Variants in PLSCR1 observed in about 807,000 individuals in gnomAD.
The protein encoded by PLSCR1 is PL scramblase 1.
Under a neutral mutation model 37.8 loss-of-function variants are expected in PLSCR1, and 17 were observed. That is an observed-to-expected ratio of 0.45 (90% confidence interval 0.31 to 0.68). The LOEUF (loss-of-function observed/expected upper bound fraction) is 0.68, where lower values mean the gene tolerates loss of function less well. Among genes scored for constraint, PLSCR1 ranks in the 30% least tolerant of loss-of-function variants. The pLI is 0.06. For missense variants in PLSCR1, 347 were observed against 380.9 expected (o/e 0.91, Z 0.74); for synonymous variants, 116 against 125.9 (o/e 0.92, Z 0.53).
At chr3:146,533,412 C>T (rs2044225068) in intron 3 of PLSCR1, 58 bp downstream of exon 3, 1 of 804,440 alleles carries the variant, frequency 1.2e-6, no homozygotes, top group Admixed American at 1.9e-5. Flanking sequence ...CCCACTCTCA[C>T]TCTCTCTCTC....
chr3:146,542,658 G>A (rs1434527949), intron 1 of PLSCR1, among the ~76,000 whole-genome samples: 1 of 152,162 alleles, frequency 6.6e-6, no homozygotes, highest in African/African-American at 2.4e-5. Flanking sequence ...ATGGAAAATT[G>A]AAGAGTGCAA....
At position 146,542,888 on chromosome 3, in the gene PLSCR1, C is replaced by T. The variant is rs115551499; in HGVS notation, c.-14+1579G>A. Among the ~76,000 whole-genome samples, 355 of 152,232 alleles carry T rather than the reference C, an allele frequency of 2.3e-3. 2 individuals carry two copies. Among genetic ancestry groups the T allele is most frequent in the African/African-American group, 7.7e-3 (318 of 41,524 alleles). ...CAGGCACTAGAGCACAATACCTAGA[C>T]ACTAGGGGAGACAGACAATTAAGAA... On this transcript the variant is annotated intron_variant, in intron 1 of 8. Transcript: ENST00000342435.
intron 8 of PLSCR1, chr3:146,516,335 A>C: frequency 5.6e-6 from 2 of 358,154 alleles, no homozygotes; most frequent in South Asian, 1.1e-4. Context: ...TATGAATTTA[A>C]TTAATCTTCC....
intron 5 of PLSCR1, among the ~76,000 whole-genome samples, chr3:146,524,512 A>C (rs1314241251): frequency 6.6e-6 from 1 of 152,018 alleles, no homozygotes; most frequent in Non-Finnish European, 1.5e-5. Context: ...TTTCTATTTC[A>C]TAATTAACAC....
At chr3:146,542,941 GTGC>G (rs1480698785) in intron 1 of PLSCR1, among the ~76,000 whole-genome samples, 1 of 152,022 alleles carries the variant, frequency 6.6e-6, no homozygotes, top group Non-Finnish European at 1.5e-5. Flanking sequence ...AATACTCTAA[GTGC>G]TATAAATAAA....
At chr3:146,517,434 T>C (rs73865772) in intron 7 of PLSCR1, 1,960 of 178,062 alleles carry the variant, frequency 0.011, 49 homozygotes, top group African/African-American at 0.042. Flanking sequence ...ATTATTTGAA[T>C]TGACCCAAAA....
intron 5 of PLSCR1, among the ~76,000 whole-genome samples, chr3:146,522,908 T>C (rs905228096): frequency 5.3e-5 from 8 of 152,262 alleles, no homozygotes; most frequent in South Asian, 4.1e-4. Flanking sequence ...TTTATGTATA[T>C]GCACATCAAA....
At chr3:146,544,419 T>TCCCGCGCCCAAGTC (rs983300664) in intron 1 of PLSCR1, 48 bp downstream of exon 1, 4 of 152,370 alleles carry the variant, frequency 2.6e-5, no homozygotes, top group African/African-American at 9.7e-5. Context: ...TCCGCGCAGT[T>TCCCGCGCCCAAGTC]CCCGCGCCCA....
chr3:146,515,884 C>A lies in PLSCR1; in HGVS notation c.*161G>T. The stretch of plus-strand genomic sequence containing the variant: ...ATGAGTATTAAAAAATGTACAAAAA[C>A]CTTTATAAATCAGTTATACAGAAGA... On this transcript the variant is annotated 3_prime_UTR_variant, in exon 9 of 9. Coordinates refer to ENST00000342435, the MANE Select transcript of PLSCR1 (RefSeq NM_021105.3). 4.4e-6 allele frequency: 2 copies of A among 456,936 alleles called. No homozygotes were observed. Among genetic ancestry groups the A allele is most frequent in the South Asian group, 4.5e-5 (1 of 22,252 alleles). The allele number at this position is 456,936 out of a possible 1,614,324, so 28.3% of individuals were successfully genotyped here.
intron 3 of PLSCR1, among the ~76,000 whole-genome samples, chr3:146,530,247 A>G (rs1049464349): frequency 2.0e-5 from 3 of 152,262 alleles, no homozygotes; most frequent in Admixed American, 6.5e-5. Context: ...TTTTAAATGG[A>G]TCATTTATGA....
chr3:146,532,845 GAAAAAATGT>G (rs1003615174), intron 3 of PLSCR1, among the ~76,000 whole-genome samples: 26 of 152,150 alleles, frequency 1.7e-4, no homozygotes, highest in Admixed American at 1.5e-3. Flanking sequence ...TGGTTGAAAA[GAAAAAATGT>G]ACTCAATTAT....
chr3:146,533,396 C>T (rs2044224827), intron 3 of PLSCR1, 74 bp downstream of exon 3: 3 of 724,416 alleles, frequency 4.1e-6, no homozygotes, highest in Admixed American at 1.9e-5. Context: ...CTCTTACTCT[C>T]TCTCTCCCAC....
intron 1 of PLSCR1, chr3:146,536,855 T>G: frequency 3.5e-6 from 1 of 287,082 alleles, no homozygotes; most frequent in Non-Finnish European, 6.6e-6. Flanking sequence ...AGACACACTA[T>G]GAGCTAAGAC....
chr3:146,534,604 T>C (rs1198273630), intron 2 of PLSCR1, among the ~76,000 whole-genome samples: 1 of 152,072 alleles, frequency 6.6e-6, no homozygotes, highest in Non-Finnish European at 1.5e-5. Context: ...AGCTTCATGA[T>C]GACTTCAGCG....
intron 3 of PLSCR1, 53 bp from the exon 4 acceptor site, chr3:146,528,884 C>T: frequency 7.2e-7 from 1 of 1,381,250 alleles, no homozygotes; most frequent in Non-Finnish European, 1.0e-6. Flanking sequence ...ATGGAATTGT[C>T]AACCTTTTTA....
intron 1 of PLSCR1, among the ~76,000 whole-genome samples, chr3:146,539,183 A>G (rs1007818040): frequency 2.0e-5 from 3 of 152,226 alleles, no homozygotes; most frequent in Admixed American, 6.5e-5. Flanking sequence ...GATGGGAGAC[A>G]GTGACCGATC....
At chr3:146,525,009 T>C (rs1178952700) in intron 5 of PLSCR1, among the ~76,000 whole-genome samples, 1 of 152,204 alleles carries the variant, frequency 6.6e-6, no homozygotes, top group East Asian at 1.9e-4. Context: ...TTCCTAGGTT[T>C]ATTTTTGCAC....
rs1295993476 is a variant in PLSCR1, at chr3:146,517,004, A to T, written c.900+2T>A. On this transcript the variant is annotated splice_donor_variant, in intron 8 of 8. Coordinates refer to ENST00000342435, the MANE Select transcript of PLSCR1 (RefSeq NM_021105.3). LOFTEE classifies it high-confidence loss of function. ...AATCAAGATTAATAAGAACAGACTTACAATGAGGAAACAGGCACCAATCAT... is the reference window on the plus strand; with the variant it reads ...AATCAAGATTAATAAGAACAGACTTTCAATGAGGAAACAGGCACCAATCAT... The T allele has an allele frequency of 6.4e-7, 1 of 1,572,614 alleles. No homozygotes were observed. Among genetic ancestry groups the T allele is most frequent in the African/African-American group, 1.4e-5 (1 of 72,874 alleles).
rs747622828 is a variant in PLSCR1 at position 146,528,662 on chromosome 3, C to A, written c.264G>T (p.Ala88=). The A allele has an allele frequency of 6.2e-7, 1 of 1,614,048 alleles. No individual in the cohort carries two copies. The highest frequency in any genetic ancestry group is 8.5e-7 in the Non-Finnish European group (1 of 1,179,950). ...GTGGACAGTTTAATGGAGGCTGTGG[C>A]GCTGGCATCCATGGTACCCCTGCAG... The part of the protein sequence containing the change: ...VGAAGVPWMP[A]PQPPLNCPPG... The change falls in exon 4 of 9, where the codon GCG becomes GCT. Residue 88 remains alanine (A), a synonymous_variant. Coordinates refer to ENST00000342435, the MANE Select transcript of PLSCR1 (RefSeq NM_021105.3).
Sources: gnomAD v4.1 joint callset for allele counts (sites outside exome capture counted in the v4.1 genomes callset) on GRCh38, gnomAD v4.1.1 for gene constraint, MANE v1.5 for transcripts, NCBI Gene and HGNC (gene_info 2026-07-23, HGNC 2026-07-21) for gene names.